SOBP: variants seen among roughly 807,000 people sequenced by gnomAD.
SOBP encodes sine oculis-binding protein homolog.
SOBP carries 4 observed loss-of-function variants against 53.6 expected under a neutral mutation model. The observed-to-expected ratio is 0.07, with a 90% confidence interval of 0.04 to 0.17. The LOEUF is 0.17. Ranked by LOEUF, SOBP falls within the 10% of genes least tolerant of loss-of-function variation. The probability of loss-of-function intolerance (pLI) is 1.00; values close to 1 mark genes in which losing one functional copy is unlikely to be tolerated. For synonymous variants in SOBP, 584 were observed against 522.6 expected (o/e 1.12, Z -1.60); for missense variants, 1,088 against 1,204.7 (o/e 0.90, Z 1.43).
At position 107,658,943 on chromosome 6, in the gene SOBP, C is replaced by T. The variant is rs1382465969; in HGVS notation, c.*740C>T. On this transcript the variant is annotated 3_prime_UTR_variant, in exon 7 of 7. Transcript: ENST00000317357. ...ATGAATAGTTTATACTGTGGTTTTT[C>T]AGAGACTGAATGCCAAGAGAACTCG... The T allele has an allele frequency of 6.6e-6, 1 of 152,596 alleles. No individual in the cohort carries two copies. The highest frequency in any genetic ancestry group is 1.5e-5 in the Non-Finnish European group (1 of 68,022). 9.5% of individuals were successfully genotyped at this position (152,596 alleles called of 1,614,324 possible).
intron 4 of SOBP, among the ~76,000 whole-genome samples, chr6:107,584,254 A>T (rs76271253): frequency 9.0e-6 from 1 of 111,416 alleles, no homozygotes; most frequent in Non-Finnish European, 1.9e-5. Flanking sequence ...CCAATATGTT[A>T]AAAAAAAAAA....
intron 5 of SOBP, among the ~76,000 whole-genome samples, chr6:107,598,663 T>G (rs1293352519): frequency 6.6e-6 from 1 of 152,100 alleles, no homozygotes; most frequent in African/African-American, 2.4e-5. Flanking sequence ...AAAGCACTGT[T>G]TTCATGGGTT....
At chr6:107,569,729 C>A (rs1785017821) in intron 4 of SOBP, among the ~76,000 whole-genome samples, 1 of 152,206 alleles carries the variant, frequency 6.6e-6, no homozygotes, top group Non-Finnish European at 1.5e-5. Context: ...CTCTTTCCAC[C>A]ATATGTGCAA....
At chr6:107,536,669 T>A (rs1784007457) in intron 4 of SOBP, among the ~76,000 whole-genome samples, 2 of 152,192 alleles carry the variant, frequency 1.3e-5, no homozygotes, top group Admixed American at 1.3e-4. Context: ...TATTTTTAAC[T>A]GAATTTAAAT....
chr6:107,521,951 CACACACACAA>C (rs1377097721), intron 3 of SOBP, among the ~76,000 whole-genome samples: 3 of 144,570 alleles, frequency 2.1e-5, no homozygotes, highest in Non-Finnish European at 4.6e-5. Context: ...CACACACACA[CACACACACAA>C]ACTCAATCAA....
Position 107,634,711 on chromosome 6 carries a change from C to T in SOBP, c.1867C>T (p.Leu623=), listed in dbSNP as rs1770918976. The change falls in exon 6 of 7, where the codon CTG becomes TTG. Residue 623 remains leucine, a synonymous_variant. Coordinates refer to ENST00000317357, the MANE Select transcript of SOBP (RefSeq NM_018013.4). This position sits in a 1 kb window ranked among gnomAD's most constrained non-coding sequence, Gnocchi z 4.5. The part of the protein sequence containing the change: ...AEHGRSEVVD[L]TRRAGSPPGP... ...GCATGGCCGGAGCGAGGTGGTGGACCTGACGCGGCGCGCCGGCAGCCCCCC... is the reference window on the plus strand; with the variant it reads ...GCATGGCCGGAGCGAGGTGGTGGACTTGACGCGGCGCGCCGGCAGCCCCCC... The T allele has an allele frequency of 7.1e-7, 1 of 1,400,978 alleles. No individual in the cohort carries two copies. The highest frequency in any genetic ancestry group is 9.2e-7 in the Non-Finnish European group (1 of 1,084,112). 86.8% of individuals were successfully genotyped at this position (1,400,978 alleles called of 1,614,324 possible). A position where few individuals can be genotyped will look rare whatever the true frequency, so the allele number is the denominator to read the frequency against.
intron 3 of SOBP, among the ~76,000 whole-genome samples, chr6:107,529,201 CA>C (rs1783750367): frequency 6.6e-6 from 1 of 152,180 alleles, no homozygotes; most frequent in African/African-American, 2.4e-5. Flanking sequence ...TGAATTATTT[CA>C]AAAAGGAATT....
At chr6:107,610,789 TGCACAC>T (rs1193480883) in intron 5 of SOBP, among the ~76,000 whole-genome samples, 44 of 133,130 alleles carry the variant, frequency 3.3e-4, no homozygotes, top group Non-Finnish European at 5.4e-4. Flanking sequence ...CGCACGTGTG[TGCACAC>T]GCACACACAC....
intron 4 of SOBP, among the ~76,000 whole-genome samples, chr6:107,572,551 A>G (rs975874348): frequency 1.5e-4 from 23 of 152,104 alleles, no homozygotes; most frequent in African/African-American, 4.8e-4. Context: ...CAATCCACCC[A>G]CCTCAGCTCC....
intron 3 of SOBP, among the ~76,000 whole-genome samples, chr6:107,520,711 G>A (rs1221585696): frequency 6.6e-6 from 1 of 152,160 alleles, no homozygotes; most frequent in Non-Finnish European, 1.5e-5. Flanking sequence ...TGTTATTCTA[G>A]GGACAGTCGC....
intron 6 of SOBP, among the ~76,000 whole-genome samples, chr6:107,637,004 G>A (rs1771073835): frequency 6.6e-6 from 1 of 152,070 alleles, no homozygotes; most frequent in South Asian, 2.1e-4. Context: ...CACTGTAGGA[G>A]AATAGGCTAA....
At chr6:107,591,869 T>C (rs779341572) in intron 5 of SOBP, among the ~76,000 whole-genome samples, 3 of 151,998 alleles carry the variant, frequency 2.0e-5, no homozygotes, top group Non-Finnish European at 4.4e-5. Context: ...TCAGGACTAA[T>C]CATGCTTCAT....
At chr6:107,609,761 A>G (rs567991151) in intron 5 of SOBP, among the ~76,000 whole-genome samples, 26 of 152,192 alleles carry the variant, frequency 1.7e-4, no homozygotes, top group African/African-American at 6.3e-4. Context: ...CCTGCTGACA[A>G]AGCCCTACTC....
At chr6:107,584,894 G>A (rs565528686) in intron 4 of SOBP, among the ~76,000 whole-genome samples, 2 of 152,024 alleles carry the variant, frequency 1.3e-5, no homozygotes, top group South Asian at 4.2e-4. Context: ...ATATCCTTAG[G>A]CATCTGGTGT....
intron 2 of SOBP, among the ~76,000 whole-genome samples, chr6:107,504,839 C>T (rs1782937061): frequency 6.6e-6 from 1 of 152,188 alleles, no homozygotes; most frequent in Non-Finnish European, 1.5e-5. Context: ...GAGATAGTAT[C>T]ATCAATTTCA....
chr6:107,655,267 A>G (rs575757313), intron 6 of SOBP, among the ~76,000 whole-genome samples: 1 of 152,244 alleles, frequency 6.6e-6, no homozygotes, highest in African/African-American at 2.4e-5. Flanking sequence ...TTCCATACCA[A>G]TAAATATCAG....
chr6:107,649,245 G>A (rs141423170), intron 6 of SOBP, among the ~76,000 whole-genome samples: 44 of 149,754 alleles, frequency 2.9e-4, no homozygotes, highest in Non-Finnish European at 5.8e-4. Flanking sequence ...AGGCCTAGAG[G>A]CCAAGACAGG....
At chr6:107,587,306 A>G in intron 5 of SOBP, 131 bp downstream of exon 5, 1 of 729,628 alleles carries the variant, frequency 1.4e-6, no homozygotes, top group East Asian at 2.7e-5. Context: ...TCTAAATGCT[A>G]ATTCTGATAT....
chr6:107,628,547 G>A (rs1247940055), intron 5 of SOBP, among the ~76,000 whole-genome samples: 1 of 152,232 alleles, frequency 6.6e-6, no homozygotes, highest in African/African-American at 2.4e-5. Context: ...TGTAAAACAT[G>A]TGGGACAGGC....
Sources: allele counts gnomAD v4.1 joint callset (sites outside exome capture counted in the v4.1 genomes callset), GRCh38; gene constraint gnomAD v4.1.1; non-coding constraint Gnocchi (gnomAD v3.1); transcripts MANE v1.5; gene names NCBI Gene and HGNC (gene_info 2026-07-23, HGNC 2026-07-21).